The following TAF10 variants were observed in gnomAD, a reference collection of about 807,000 sequenced individuals.
TAF10 encodes the protein TATA-box binding protein associated factor 10.
A neutral mutation model predicts 18.1 loss-of-function variants in TAF10; 2 were observed. The ratio of observed to expected loss-of-function variants is 0.11; its 90% CI spans 0.05 to 0.35. The LOEUF (loss-of-function observed/expected upper bound fraction) is 0.35. Among genes scored for constraint, TAF10 ranks in the 10% least tolerant of loss-of-function variants. TAF10 has a pLI of 1.00. For synonymous variants in TAF10, 158 were observed against 134.6 expected, an observed-to-expected ratio of 1.17 and a Z score of -1.20; for missense variants, 293 against 306.9, an observed-to-expected ratio of 0.95 and a Z score of 0.34.
Position 6,611,814 on chromosome 11 carries a change from C to A in TAF10, c.237G>T (p.Pro79=), listed in dbSNP as rs560104905. 1 of 1,605,054 alleles carries A rather than the reference C, an allele frequency of 6.2e-7. No individual in the cohort carries two copies. Among genetic ancestry groups the A allele is most frequent in the Admixed American group, 1.7e-5 (1 of 58,944 alleles). Residue 79 remains proline, a synonymous_variant, in exon 2 of 5, where the codon CCG becomes CCT. Coordinates refer to ENST00000299424, the MANE Select transcript of TAF10 (RefSeq NM_006284.4). ...GGGGCGCCGCGCCACCCGCCGACACCGGAGCTGGAGGAGAACCAGCAAAAT... is the reference window on the plus strand; with the variant it reads ...GGGGCGCCGCGCCACCCGCCGACACAGGAGCTGGAGGAGAACCAGCAAAAT... ...GEPAERRGAA[P]VSAGGAAPPE...
rs745962575 is a variant in TAF10 at position 6,611,006 on chromosome 11, G to C, written c.573C>G (p.Arg191=). The C allele has an allele frequency of 1.2e-6, 2 of 1,614,054 alleles. No homozygotes were observed. The highest frequency in any genetic ancestry group is 1.7e-6 in the Non-Finnish European group (2 of 1,180,012). The change falls in exon 5 of 5, where the codon CGC becomes CGG. Residue 191 remains arginine, a synonymous_variant. Transcript: ENST00000299424. ...AGTCCTCCATGGTTAGAGTGTACTTGCGGTCCTGAGGGAAGAGGGAAGAGC... is the reference window on the plus strand; with the variant it reads ...AGTCCTCCATGGTTAGAGTGTACTTCCGGTCCTGAGGGAAGAGGGAAGAGC... ...SGSSRSKSKD[R]KYTLTMEDLT...
In TAF10 at chr11:6,610,612, G is replaced by C; in HGVS notation, c.*310C>G. The C allele has an allele frequency of 1.2e-6, 2 of 1,614,194 alleles. No individual in the cohort carries two copies. Among genetic ancestry groups the C allele is most frequent in the Non-Finnish European group, 1.7e-6 (2 of 1,180,030 alleles). ...CCTTGAGAAGATGCAGGACAAGTAGGACTGGAAGGTCCTTGCCTGAACTCC... is the reference window on the plus strand; with the variant it reads ...CCTTGAGAAGATGCAGGACAAGTAGCACTGGAAGGTCCTTGCCTGAACTCC... On this transcript the variant is annotated 3_prime_UTR_variant, in exon 5 of 5. Coordinates refer to ENST00000299424, the MANE Select transcript of TAF10 (RefSeq NM_006284.4).
At position 6,607,589 on chromosome 11, in the gene TAF10, G is replaced by T; in HGVS notation, c.*3333C>A. The T allele has an allele frequency of 4.3e-6, 1 of 232,718 alleles. No individual in the cohort carries two copies. The highest frequency in any genetic ancestry group is 8.7e-6 in the Non-Finnish European group (1 of 115,576). 14.4% of individuals were successfully genotyped at this position (232,718 alleles called of 1,614,324 possible). On this transcript the variant is annotated 3_prime_UTR_variant, in exon 5 of 5. Coordinates refer to ENST00000299424, the MANE Select transcript of TAF10 (RefSeq NM_006284.4). ...AGACACCCTTCTCCCCCACTAACAT[G>T]CACTGAACAGCTGCTGTCAATCCAT...
Position 6,610,061 on chromosome 11 carries a change from G to A in TAF10, c.*861C>T, listed in dbSNP as rs750022564. 6 of 1,613,976 alleles carry A rather than the reference G, an allele frequency of 3.7e-6. No homozygotes were observed. Among genetic ancestry groups the A allele is most frequent in the Non-Finnish European group, 5.1e-6 (6 of 1,179,992 alleles). ...GTGAGTGAAGTCATCATGTCGGGAGGTAAAAAAGGACCACCTCAGAAGTAG... is the reference window on the plus strand; with the variant it reads ...GTGAGTGAAGTCATCATGTCGGGAGATAAAAAAGGACCACCTCAGAAGTAG... On this transcript the variant is annotated 3_prime_UTR_variant, in exon 5 of 5. Coordinates refer to ENST00000299424, the MANE Select transcript of TAF10 (RefSeq NM_006284.4).
rs563939266 is a variant in TAF10, at chr11:6,607,240, C to T, written c.*3682G>A. The T allele has an allele frequency of 2.0e-5, 3 of 152,348 alleles. No homozygotes were observed. The highest frequency in any genetic ancestry group is 4.1e-4 in the South Asian group (2 of 4,822). The allele number at this position is 152,348 out of a possible 1,614,324, so 9.4% of individuals were successfully genotyped here. A position where few individuals can be genotyped will look rare whatever the true frequency, so the allele number is the denominator to read the frequency against. On this transcript the variant is annotated 3_prime_UTR_variant, in exon 5 of 5. Transcript: ENST00000299424. ...CTGTCAGGCAGGCCCAGCTCCAAAC[C>T]AATTGTTTTGTTTTGTTTGTATACT...
In TAF10 at chr11:6,611,982, C is replaced by A; in HGVS notation, c.208G>T (p.Glu70Ter). Residue 70 changes from glutamate to a stop codon, truncating the protein, a stop_gained, in exon 1 of 5, where the codon GAG (glutamate) becomes TAG (stop). Coordinates refer to ENST00000299424, the MANE Select transcript of TAF10 (RefSeq NM_006284.4). LOFTEE classifies it high-confidence loss of function. ...GTGPLAARAGEPAERRGAAPV... is the reference protein window; with the variant it reads ...GTGPLAARAG The stretch of plus-strand genomic sequence containing the variant: ...CCCGCCCCACGCCGCTCAGCTGGCT[C>A]CCCGGCCCGCGCCGCCAAGGGTCCC... 6.4e-7 allele frequency: 1 copy of A among 1,559,928 alleles called. No homozygotes were observed. The highest frequency in any genetic ancestry group is 1.8e-5 in the Admixed American group (1 of 55,542).
Position 6,612,032 on chromosome 11 carries a change from C to T in TAF10, c.158G>A (p.Gly53Glu), listed in dbSNP as rs980552364. The change falls in exon 1 of 5, where the codon GGG becomes GAG. Residue 53 changes from glycine (G) to glutamate (E), a missense_variant. Physicochemically the swap from Gly to Glu is moderately conservative, Grantham distance 98. Transcript: ENST00000299424. ...ASPAGTAGGP[G>E]AGAAAGGTGP... ...CGTGCCCCCAGCAGCTGCTCCAGCC[C>T]CAGGTCCCCCCGCTGTCCCCGCGGG... The T allele has an allele frequency of 6.0e-6, 9 of 1,501,534 alleles. No individual in the cohort carries two copies. The Admixed American group carries it at 8.5e-5, about 14-fold the overall frequency. The allele number at this position is 1,501,534 out of a possible 1,614,324, so 93.0% of individuals were successfully genotyped here. A position where few individuals can be genotyped will look rare whatever the true frequency, so the allele number is the denominator to read the frequency against.
At position 6,609,011 on chromosome 11, in the gene TAF10, C is replaced by A. The variant is rs183160844; in HGVS notation, c.*1911G>T. 6 of 1,612,524 alleles carry A rather than the reference C, an allele frequency of 3.7e-6. No individual in the cohort carries two copies. The African/African-American group carries it at 6.7e-5, about 18-fold the overall frequency. On this transcript the variant is annotated 3_prime_UTR_variant, in exon 5 of 5. Coordinates refer to ENST00000299424, the MANE Select transcript of TAF10 (RefSeq NM_006284.4). Reference sequence around the variant, plus strand: ...AAGAAGGGTTGTAAAAGGAAATAATCCTGGCCTCTTGGGGCTGGGTTAGGG... The same window carrying A: ...AAGAAGGGTTGTAAAAGGAAATAATACTGGCCTCTTGGGGCTGGGTTAGGG...
At position 6,608,609 on chromosome 11, in the gene TAF10, G is replaced by A; in HGVS notation, c.*2313C>T. 7.3e-7 allele frequency: 1 copy of A among 1,369,846 alleles called. No homozygotes were observed. Among genetic ancestry groups the A allele is most frequent in the Admixed American group, 1.7e-5 (1 of 59,712 alleles). 84.9% of individuals were successfully genotyped at this position (1,369,846 alleles called of 1,614,324 possible). ...TACTGTGTGACACTTACAGGATTAA[G>A]TTCTACATTTGTGCATTCATGGTTG... On this transcript the variant is annotated 3_prime_UTR_variant, in exon 5 of 5. Transcript: ENST00000299424. The surrounding 1 kb of genome is among the most constrained non-coding windows in gnomAD (Gnocchi z 4.9).
In TAF10 at chr11:6,611,122, G is replaced by A. The variant is rs540218885; in HGVS notation, c.567+67C>T. ...TCCCCTACGATTCAGTTTCCCCAAA[G>A]GGGTGGCAGGATAAGCCTCCACTGT... is the stretch of plus-strand genomic sequence containing the variant. On this transcript the variant is annotated intron_variant, in intron 4 of 4. Coordinates refer to ENST00000299424, the MANE Select transcript of TAF10 (RefSeq NM_006284.4). The A allele has an allele frequency of 5.0e-5, 80 of 1,590,946 alleles. No homozygotes were observed. In the Middle Eastern group the frequency reaches 9.1e-4, roughly 18 times the overall value.
rs758709642 is a variant in TAF10 at position 6,611,772 on chromosome 11, A to T, written c.279T>A (p.Ser93=). The change falls in exon 2 of 5, where the codon TCT becomes TCA. Residue 93 remains serine, a synonymous_variant. Coordinates refer to ENST00000299424, the MANE Select transcript of TAF10 (RefSeq NM_006284.4). ...CGCTCGGCAGTACGTAAACCCCGTT[A>T]GATATGGCCCCCTCCGGGGGCGCCG... ...GGAAPPEGAI[S]NGVYVLPSAA... The T allele has an allele frequency of 6.2e-7, 1 of 1,608,754 alleles. No homozygotes were observed.
chr11:6,609,450 C>A lies in TAF10; in HGVS notation c.*1472G>T, dbSNP rs756407201. On this transcript the variant is annotated 3_prime_UTR_variant, in exon 5 of 5. Transcript: ENST00000299424. ...CCTGGAAGCTGCTAGTTCCAAGGAA[C>A]CCTGAATAGCACTGAAAGAGATCTT... 1 of 1,613,812 alleles carries A rather than the reference C, an allele frequency of 6.2e-7. No individual in the cohort carries two copies. Among genetic ancestry groups the A allele is most frequent in the Admixed American group, 1.7e-5 (1 of 60,030 alleles).
rs773265619 is a variant in TAF10, at chr11:6,608,752, T to C, written c.*2170A>G. 6.8e-6 allele frequency: 11 copies of C among 1,614,044 alleles called. No homozygotes were observed. The highest frequency in any genetic ancestry group is 8.5e-6 in the Non-Finnish European group (10 of 1,179,998). ...TGTAACAAGTATGGAGAGATGCCTG[T>C]GGACAAAGCCAAGGCACCCCTGAGA... is the stretch of plus-strand genomic sequence containing the variant. On this transcript the variant is annotated 3_prime_UTR_variant, in exon 5 of 5. Transcript: ENST00000299424. The surrounding 1 kb of genome is among the most constrained non-coding windows in gnomAD (Gnocchi z 4.9).
rs1855302329 is a variant in TAF10, at chr11:6,609,665, G to A, written c.*1257C>T. On this transcript the variant is annotated 3_prime_UTR_variant, in exon 5 of 5. Transcript: ENST00000299424. ...GTGAGTAGGGATGTTGAATTTCCTT[G>A]GGGAGGAAATGGCAGAGAGGGAGCC... The A allele has an allele frequency of 1.2e-6, 2 of 1,614,112 alleles. No homozygotes were observed. Among genetic ancestry groups the A allele is most frequent in the East Asian group, 4.5e-5 (2 of 44,880 alleles).
Position 6,609,114 on chromosome 11 carries a change from G to A in TAF10, c.*1808C>T. 1 of 1,614,182 alleles carries A rather than the reference G, an allele frequency of 6.2e-7. No individual in the cohort carries two copies. Among genetic ancestry groups the A allele is most frequent in the Non-Finnish European group, 8.5e-7 (1 of 1,180,022 alleles). On this transcript the variant is annotated 3_prime_UTR_variant, in exon 5 of 5. Coordinates refer to ENST00000299424, the MANE Select transcript of TAF10 (RefSeq NM_006284.4). ...AACACTCTGGCATTGACTTCAAACA[G>A]CTTAACTTCCTGACGAAGCTCAACG...
In TAF10 at chr11:6,609,102, T is replaced by A; in HGVS notation, c.*1820A>T. The A allele has an allele frequency of 6.2e-7, 1 of 1,614,200 alleles. No individual in the cohort carries two copies. Among genetic ancestry groups the A allele is most frequent in the Non-Finnish European group, 8.5e-7 (1 of 1,180,022 alleles). The stretch of plus-strand genomic sequence containing the variant: ...GAACCCTGAACAAACACTCTGGCAT[T>A]GACTTCAAACAGCTTAACTTCCTGA... On this transcript the variant is annotated 3_prime_UTR_variant, in exon 5 of 5. Coordinates refer to ENST00000299424, the MANE Select transcript of TAF10 (RefSeq NM_006284.4).
At position 6,612,211 on chromosome 11, in the gene TAF10, G is replaced by C. The variant is rs1855487503; in HGVS notation, c.-22C>G. The C allele has an allele frequency of 1.6e-6, 2 of 1,242,412 alleles. No homozygotes were observed. Among genetic ancestry groups the C allele is most frequent in the Non-Finnish European group, 2.0e-6 (2 of 982,684 alleles). The allele number at this position is 1,242,412 out of a possible 1,614,324, so 77.0% of individuals were successfully genotyped here. A position where few individuals can be genotyped will look rare whatever the true frequency, so the allele number is the denominator to read the frequency against. ...TCATCGGGCCGGTGGGAGAGGCGGCGAACAGAGCCGCTTCCGCTTCCGCTC... is the reference window on the plus strand; with the variant it reads ...TCATCGGGCCGGTGGGAGAGGCGGCCAACAGAGCCGCTTCCGCTTCCGCTC... On this transcript the variant is annotated 5_prime_UTR_variant, in exon 1 of 5. Transcript: ENST00000299424.
In TAF10 at chr11:6,610,806, C is replaced by T; in HGVS notation, c.*116G>A. 7.2e-7 allele frequency: 1 copy of T among 1,384,618 alleles called. No individual in the cohort carries two copies. Among genetic ancestry groups the T allele is most frequent in the Non-Finnish European group, 1.0e-6 (1 of 983,212 alleles). The allele number at this position is 1,384,618 out of a possible 1,614,324, so 85.8% of individuals were successfully genotyped here. A position where few individuals can be genotyped will look rare whatever the true frequency, so the allele number is the denominator to read the frequency against. ...GCGGGCTCAGAGCTTTGTCACTTGC[C>T]ACATGGTGTCTCCCAACATGGGAGG... On this transcript the variant is annotated 3_prime_UTR_variant, in exon 5 of 5. Coordinates refer to ENST00000299424, the MANE Select transcript of TAF10 (RefSeq NM_006284.4).
At chr11:6,611,534 C>G (rs1287339028) in intron 2 of TAF10, 82 bp from the exon 3 acceptor site, 3 of 1,600,974 alleles carry the variant, frequency 1.9e-6, no homozygotes, top group Non-Finnish European at 8.5e-7. Context: ...AGGAAGCTCA[C>G]AGTTTGGGTG....
Sources: gnomAD v4.1 joint callset for allele counts on GRCh38, gnomAD v4.1.1 for gene constraint, Gnocchi (gnomAD v3.1) non-coding constraint, MANE v1.5 for transcripts, NCBI Gene and HGNC (gene_info 2026-07-23, HGNC 2026-07-21) for gene names.